Variants in BLOC1S3 observed in about 807,000 individuals in gnomAD.
BLOC1S3 encodes the protein biogenesis of lysosome-related organelles complex 1 subunit 3.
In BLOC1S3, 7 loss-of-function variants were observed where a neutral mutation model predicts 9.1. The observed-to-expected ratio is 0.77, with a 90% CI of 0.44 to 1.45. The LOEUF (loss-of-function observed/expected upper bound fraction) is 1.45. Ranked by LOEUF, BLOC1S3 falls within the 40% of genes most tolerant of loss-of-function variation. The probability of loss-of-function intolerance (pLI) is 0.01; values close to 1 mark genes in which losing one functional copy is unlikely to be tolerated. For missense variants in BLOC1S3, 307 were observed against 315.2 expected, an observed-to-expected ratio of 0.97 and a Z score of 0.20; for synonymous variants, 145 against 158.4, an observed-to-expected ratio of 0.92 and a Z score of 0.64.
chr19:45,211,475 C>CA (rs1426002711), intron 3 of BLOC1S3, among the ~76,000 whole-genome samples: 1 of 149,162 alleles, frequency 6.7e-6, no homozygotes, highest in Non-Finnish European at 1.5e-5. Flanking sequence ...CGCGCCATTG[C>CA]ACTCTAGCCT....
Position 45,206,450 on chromosome 19 carries a change from G to GTTTTTTTTT in BLOC1S3, n.282+3958_282+3966dup, listed in dbSNP as rs1054281226. Among the ~76,000 whole-genome samples the GTTTTTTTTT allele has an allele frequency of 2.9e-4, 16 of 55,146 alleles. 4 individuals are homozygous for GTTTTTTTTT. The highest frequency in any genetic ancestry group is 7.5e-4 in the African/African-American group (8 of 10,620). 36.2% of individuals were successfully genotyped at this position (55,146 alleles called of 152,430 possible). A position where few individuals can be genotyped will look rare whatever the true frequency, so the allele number is the denominator to read the frequency against. ...TTCCACCTTCTTTTGGATTAATCAA[G>GTTTTTTTTT]TTTTTTTTTTTTTTTTTTTTTTTGA... On this transcript the variant is annotated intron_variant and non_coding_transcript_variant, in intron 3 of 3. Transcript: ENST00000591569.
chr19:45,212,598 C>CTTTTTTTT (rs530736333), intron 3 of BLOC1S3: 1 of 111,352 alleles, frequency 9.0e-6, no homozygotes, highest in African/African-American at 4.0e-5. Flanking sequence ...TTCCCCCTAC[C>CTTTTTTTT]TTTTTTTTTT....
rs1165078072 is a variant in BLOC1S3 at position 45,179,267 on chromosome 19, C to G, written c.-9-21C>G. 1.3e-6 allele frequency: 2 copies of G among 1,545,826 alleles called. No individual in the cohort carries two copies. Among genetic ancestry groups the G allele is most frequent in the Non-Finnish European group, 1.7e-6 (2 of 1,154,530 alleles). ...CCGCGGCGCCGGTCTCACGTGCAGTCCCTTCGCTCTTCTCCCCTAGTTCGG... is the reference window on the plus strand; with the variant it reads ...CCGCGGCGCCGGTCTCACGTGCAGTGCCTTCGCTCTTCTCCCCTAGTTCGG... On this transcript the variant is annotated intron_variant, in intron 1 of 1. Transcript: ENST00000433642. The surrounding 1 kb of genome is among the most constrained non-coding windows in gnomAD (Gnocchi z 4.6).
At chr19:45,207,329 C>T (rs571668399) in intron 3 of BLOC1S3, among the ~76,000 whole-genome samples, 1 of 151,400 alleles carries the variant, frequency 6.6e-6, no homozygotes, top group Non-Finnish European at 1.5e-5. Flanking sequence ...GATGGGGTTT[C>T]GCCATGTTGG....
At chr19:45,216,301 G>A (rs978135137) in intron 3 of BLOC1S3, 1 of 1,437,446 alleles carries the variant, frequency 7.0e-7, no homozygotes, top group Non-Finnish European at 9.3e-7. Context: ...AGAAACCAGG[G>A]GTGGTGGCTC....
At chr19:45,211,693 C>G (rs957927454) in intron 3 of BLOC1S3, among the ~76,000 whole-genome samples, 3 of 151,628 alleles carry the variant, frequency 2.0e-5, no homozygotes, top group Non-Finnish European at 4.4e-5. Context: ...CCTTGGGCTC[C>G]GAGAGTCCCT....
Position 45,180,222 on chromosome 19 carries a change from TG to T in BLOC1S3, c.*322del. 4.3e-6 allele frequency: 1 copy of T among 232,690 alleles called. No homozygotes were observed. Among genetic ancestry groups the T allele is most frequent in the South Asian group, 1.5e-4 (1 of 6,872 alleles). The allele number at this position is 232,690 out of a possible 1,614,324, so 14.4% of individuals were successfully genotyped here. A position where few individuals can be genotyped will look rare whatever the true frequency, so the allele number is the denominator to read the frequency against. On this transcript the variant is annotated 3_prime_UTR_variant, in exon 2 of 2. Transcript: ENST00000433642. ...GTTGCTCCTTAATCTGTTTCCACCC[TG>T]GGGGCTCACCAATTTTTTTTTTTTT...
chr19:45,184,316 G>A (rs1969549646), downstream of BLOC1S3, among the ~76,000 whole-genome samples: 1 of 152,114 alleles, frequency 6.6e-6, no homozygotes, highest in Non-Finnish European at 1.5e-5. Flanking sequence ...GGTAAGAAAT[G>A]GGGAAGTGGC....
chr19:45,198,668 G>A (rs576408553), intron 2 of BLOC1S3, among the ~76,000 whole-genome samples: 1 of 152,158 alleles, frequency 6.6e-6, no homozygotes, highest in South Asian at 2.1e-4. Flanking sequence ...GCTGCCAGAC[G>A]TATTGGAGCT....
At chr19:45,182,211 G>A (rs552901096), downstream of BLOC1S3, among the ~76,000 whole-genome samples, 4 of 151,904 alleles carry the variant, frequency 2.6e-5, no homozygotes, top group African/African-American at 9.7e-5. Flanking sequence ...GATGTATCAC[G>A]CCTGTAATCC....
At chr19:45,198,495 T>C (rs1969665990) in intron 2 of BLOC1S3, among the ~76,000 whole-genome samples, 1 of 152,164 alleles carries the variant, frequency 6.6e-6, no homozygotes, top group African/African-American at 2.4e-5. Flanking sequence ...GGTTTCGCCA[T>C]GTTGGCCAGG....
chr19:45,204,436 A>G (rs1307419761), intron 3 of BLOC1S3, among the ~76,000 whole-genome samples: 1 of 151,176 alleles, frequency 6.6e-6, no homozygotes, highest in East Asian at 2.0e-4. Flanking sequence ...CAGGTGATCC[A>G]TGTGCCTCAG....
At chr19:45,202,627 G>C (rs2122928601) in intron 3 of BLOC1S3, 1 of 152,410 alleles carries the variant, frequency 6.6e-6, no homozygotes, top group East Asian at 1.9e-4. Context: ...AGCAGCTGCT[G>C]GGTGCTCTAC....
intron 2 of BLOC1S3, among the ~76,000 whole-genome samples, chr19:45,197,915 A>C (rs1969661599): frequency 4.7e-5 from 7 of 150,484 alleles, no homozygotes; most frequent in Admixed American, 4.6e-4. Context: ...AGCACTAGAC[A>C]GGGGAACAAG....
chr19:45,211,818 A>G (rs923935391), intron 3 of BLOC1S3, among the ~76,000 whole-genome samples: 3 of 150,990 alleles, frequency 2.0e-5, no homozygotes, highest in African/African-American at 7.3e-5. Flanking sequence ...AAAAAACCAC[A>G]TACACACAAA....
chr19:45,210,111 T>C (rs1323514393), intron 3 of BLOC1S3, among the ~76,000 whole-genome samples: 2 of 152,098 alleles, frequency 1.3e-5, no homozygotes, highest in African/African-American at 2.4e-5. Flanking sequence ...GACTACGTTA[T>C]GTATTTCCAA....
At chr19:45,208,866 C>T (rs1330294565) in intron 3 of BLOC1S3, among the ~76,000 whole-genome samples, 2 of 150,982 alleles carry the variant, frequency 1.3e-5, no homozygotes, top group Non-Finnish European at 3.0e-5. Flanking sequence ...AAAAAAATAA[C>T]ATATCAAAAT....
At chr19:45,192,315 C>G (rs1006452940) in intron 2 of BLOC1S3, among the ~76,000 whole-genome samples, 1 of 152,298 alleles carries the variant, frequency 6.6e-6, no homozygotes, top group South Asian at 2.1e-4. Flanking sequence ...CCCTTCAGGG[C>G]AGTGGGCTCC....
At chr19:45,194,008 T>A (rs1320960026) in intron 2 of BLOC1S3, among the ~76,000 whole-genome samples, 1 of 138,422 alleles carries the variant, frequency 7.2e-6, no homozygotes, top group Non-Finnish European at 1.5e-5. Flanking sequence ...TTTCACCGTG[T>A]TAGCCAGGAT....
Sources: allele counts gnomAD v4.1 joint callset (sites outside exome capture counted in the v4.1 genomes callset), GRCh38; gene constraint gnomAD v4.1.1; non-coding constraint Gnocchi (gnomAD v3.1); transcripts MANE v1.5; gene names NCBI Gene and HGNC (gene_info 2026-07-23, HGNC 2026-07-21).